The following AATK variants were observed in gnomAD, a reference collection of about 807,000 sequenced individuals.
The protein encoded by AATK is serine/threonine-protein kinase LMTK1.
Under a neutral mutation model 114.3 loss-of-function variants are expected in AATK, and 91 were observed. The ratio of observed to expected loss-of-function variants is 0.80; its 90% CI spans 0.67 to 0.95. The LOEUF (loss-of-function observed/expected upper bound fraction) is 0.95. Ranked by LOEUF, AATK falls within the 40% of genes least tolerant of loss-of-function variation. AATK has a pLI of 0.00. For synonymous variants in AATK, 1,075 were observed against 916.5 expected, an observed-to-expected ratio of 1.17 and a Z score of -3.12; for missense variants, 2,176 against 1,965.2, an observed-to-expected ratio of 1.11 and a Z score of -2.03.
chr17:81,122,314 G>T lies in AATK; in HGVS notation c.1622C>A (p.Ala541Asp). Residue 541 changes from alanine to aspartate, a missense_variant, in exon 11 of 14, where the codon GCC becomes GAC. By Grantham distance (126) the Ala-to-Asp change is moderately radical. Coordinates refer to ENST00000326724, the MANE Select transcript of AATK (RefSeq NM_001080395.3). ...FIRLEEAAPAAGHDPDCAGCA... is the reference protein window; with the variant it reads ...FIRLEEAAPADGHDPDCAGCA... ...GCCGGCGCAGTCAGGGTCGTGGCCG[G>T]CGGCGGGTGCGGCCTCCTCTAGGCG... is the stretch of plus-strand genomic sequence containing the variant. The T allele has an allele frequency of 1.3e-6, 2 of 1,509,858 alleles. No individual in the cohort carries two copies. Among genetic ancestry groups the T allele is most frequent in the Non-Finnish European group, 8.8e-7 (1 of 1,134,296 alleles). 93.5% of individuals were successfully genotyped at this position (1,509,858 alleles called of 1,614,324 possible). A position where few individuals can be genotyped will look rare whatever the true frequency, so the allele number is the denominator to read the frequency against.
chr17:81,161,002 G>A (rs2061424189), intron 1 of AATK, among the ~76,000 whole-genome samples: 1 of 152,210 alleles, frequency 6.6e-6, no homozygotes, highest in Admixed American at 6.5e-5. Flanking sequence ...GCGCCCTGGA[G>A]GGTTCTGAGG....
chr17:81,152,664 C>T (rs968585175), intron 1 of AATK, among the ~76,000 whole-genome samples: 15 of 152,162 alleles, frequency 9.9e-5, no homozygotes, highest in African/African-American at 3.4e-4. Flanking sequence ...CAGAAACAGA[C>T]GCTTGCTGAC....
intron 3 of AATK, among the ~76,000 whole-genome samples, chr17:81,130,507 CCCCTCCTCGCAG>C (rs2060913117): frequency 6.6e-6 from 1 of 152,166 alleles, no homozygotes; most frequent in South Asian, 2.1e-4. Flanking sequence ...CACCCCTCGG[CCCCTCCTCGCAG>C]CCTGAGTGAA....
chr17:81,137,010 C>T (rs994821353), intron 1 of AATK, among the ~76,000 whole-genome samples: 20 of 152,122 alleles, frequency 1.3e-4, no homozygotes, highest in African/African-American at 4.8e-4. Flanking sequence ...GTAATCTCAG[C>T]ACTTTGGGAG....
At chr17:81,125,863 C>T (rs770446289) in intron 7 of AATK, 13 of 465,906 alleles carry the variant, frequency 2.8e-5, no homozygotes, top group Middle Eastern at 6.4e-4. Flanking sequence ...GCAGGCAGGT[C>T]GGGAGGCTGG....
rs780895354 is a variant in AATK at position 81,121,995 on chromosome 17, A to G, written c.1941T>C (p.Pro647=). 1.4e-5 allele frequency: 22 copies of G among 1,601,788 alleles called. No individual in the cohort carries two copies. In the African/African-American group the frequency reaches 2.7e-4, roughly 19 times the overall value. ...AFFEDPLGTS[P]LGSSGAPPLP... ...GCGGGGGCGCCCCTGAGCTCCCCAAAGGGGACGTGCCCAGTGGGTCCTCGA... is the reference window on the plus strand; with the variant it reads ...GCGGGGGCGCCCCTGAGCTCCCCAAGGGGGACGTGCCCAGTGGGTCCTCGA... The change falls in exon 11 of 14, where the codon CCT becomes CCC. Residue 647 remains proline, a synonymous_variant. Transcript: ENST00000326724.
At chr17:81,127,532 G>A (rs760716550) in intron 6 of AATK, 51 bp downstream of exon 6, 20 of 1,533,712 alleles carry the variant, frequency 1.3e-5, no homozygotes, top group South Asian at 7.1e-5. Flanking sequence ...CAGGGCAAGG[G>A]AGGGCCCCGG....
At chr17:81,148,825 C>CACA (rs1367402597) in intron 1 of AATK, among the ~76,000 whole-genome samples, 1 of 152,260 alleles carries the variant, frequency 6.6e-6, no homozygotes, top group Non-Finnish European at 1.5e-5. Flanking sequence ...CACTCACGCA[C>CACA]ACACCCTTGC....
intron 13 of AATK, 136 bp downstream of exon 13, chr17:81,119,239 AAGGAG>A: frequency 1.9e-5 from 4 of 215,000 alleles, no homozygotes; most frequent in Non-Finnish European, 2.1e-5. Flanking sequence ...TGGGGCCGGG[AAGGAG>A]CGGGGCCGGG....
At position 81,121,230 on chromosome 17, in the gene AATK, G is replaced by A. The variant is rs767807211; in HGVS notation, c.2706C>T (p.Ser902=). ...SLQKQVGTPD[S]LDSLDIPSSA... is the part of the protein sequence containing the mutation. Reference sequence around the variant, plus strand: ...AGGACGGGATGTCCAGGGAGTCCAGGGAGTCGGGGGTCCCCACCTGCTTCT... The same window carrying A: ...AGGACGGGATGTCCAGGGAGTCCAGAGAGTCGGGGGTCCCCACCTGCTTCT... Residue 902 remains serine, a synonymous_variant, in exon 11 of 14, where the codon TCC becomes TCT. Transcript: ENST00000326724. The A allele has an allele frequency of 6.2e-7, 1 of 1,606,640 alleles. No homozygotes were observed. Among genetic ancestry groups the A allele is most frequent in the Non-Finnish European group, 8.5e-7 (1 of 1,177,156 alleles).
intron 1 of AATK, among the ~76,000 whole-genome samples, chr17:81,146,188 T>TAA (rs34197372): frequency 0.013 from 1,682 of 124,620 alleles, 55 homozygotes; most frequent in African/African-American, 0.045. Flanking sequence ...GACTCCATAT[T>TAA]AAAAAAAAAA....
At chr17:81,154,062 G>C (rs2061330944) in intron 1 of AATK, among the ~76,000 whole-genome samples, 1 of 150,148 alleles carries the variant, frequency 6.7e-6, no homozygotes, top group Admixed American at 6.8e-5. Context: ...GGCAACAAGA[G>C]TGAAACTCCA....
In AATK at chr17:81,120,677, C is replaced by T. The variant is rs2060688300; in HGVS notation, c.3259G>A (p.Ala1087Thr). ...GGGCTGGGCCCAGGCCGCACCTTGG[C>T]TGGGCCTTGGGGCTCCGGAGGCTCT... ...VPEPPEPQGPAKVRPGPSPSC... is the reference protein window; with the variant it reads ...VPEPPEPQGPTKVRPGPSPSC... The change falls in exon 11 of 14, where the codon GCC (alanine) becomes ACC (threonine). Residue 1087 changes from alanine to threonine, a missense_variant. Transcript: ENST00000326724. The T allele has an allele frequency of 1.3e-6, 2 of 1,516,872 alleles. No homozygotes were observed. Among genetic ancestry groups the T allele is most frequent in the Non-Finnish European group, 1.8e-6 (2 of 1,134,006 alleles). The allele number at this position is 1,516,872 out of a possible 1,614,324, so 94.0% of individuals were successfully genotyped here.
intron 1 of AATK, chr17:81,165,472 C>G: frequency 2.4e-6 from 1 of 413,130 alleles, no homozygotes; most frequent in Non-Finnish European, 4.4e-6. Flanking sequence ...CCCCCACATC[C>G]CCCGCCGGCT....
rs1345380518 is a variant in AATK, at chr17:81,122,760, G to A, written c.1176C>T (p.His392=). ...TGGCACACAGGTAGGACAGCAGCAG[G>A]TGCACCTCCTCGGCTGTGGGCCGCT... ...PEQRPTAEEV[H]LLLSYLCAKG... is the part of the protein sequence containing the mutation. Residue 392 remains histidine (H), a synonymous_variant, in exon 11 of 14, where the codon CAC becomes CAT. Transcript: ENST00000326724. The A allele has an allele frequency of 2.5e-6, 4 of 1,598,840 alleles. No homozygotes were observed. The Admixed American group carries it at 5.2e-5, about 21-fold the overall frequency.
intron 2 of AATK, among the ~76,000 whole-genome samples, chr17:81,133,641 C>T (rs536609971): frequency 6.6e-6 from 1 of 152,148 alleles, no homozygotes; most frequent in Non-Finnish European, 1.5e-5. Context: ...GAGGGGGAGG[C>T]GATGCTGGCC....
At chr17:81,150,787 G>T (rs979959509) in intron 1 of AATK, among the ~76,000 whole-genome samples, 1 of 152,206 alleles carries the variant, frequency 6.6e-6, no homozygotes, top group Non-Finnish European at 1.5e-5. Flanking sequence ...GTGGGCCTCG[G>T]CAGGGCATCT....
chr17:81,121,973 G>C lies in AATK; in HGVS notation c.1963C>G (p.Pro655Ala), dbSNP rs761945776. 6.2e-7 allele frequency: 1 copy of C among 1,600,298 alleles called. No homozygotes were observed. The highest frequency in any genetic ancestry group is 1.1e-5 in the South Asian group (1 of 90,996). ...TSPLGSSGAP[P>A]LPLTGEDELE... is the part of the protein sequence containing the mutation. ...TCATCCTCGCCAGTCAGCGGCAGCG[G>C]GGGCGCCCCTGAGCTCCCCAAAGGG... is the stretch of plus-strand genomic sequence containing the variant. Residue 655 changes from proline to alanine, a missense_variant, in exon 11 of 14, where the codon CCG (proline) becomes GCG (alanine). Coordinates refer to ENST00000326724, the MANE Select transcript of AATK (RefSeq NM_001080395.3).
intron 2 of AATK, among the ~76,000 whole-genome samples, chr17:81,133,556 G>A (rs1181382358): frequency 6.6e-6 from 1 of 152,204 alleles, no homozygotes; most frequent in Admixed American, 6.5e-5. Context: ...ACCCCCGTGG[G>A]CGTGTGAACC....
Sources: gnomAD v4.1 joint callset for allele counts (sites outside exome capture counted in the v4.1 genomes callset) on GRCh38, gnomAD v4.1.1 for gene constraint, MANE v1.5 for transcripts, NCBI Gene and HGNC (gene_info 2026-07-23, HGNC 2026-07-21) for gene names.